The following NFATC4 variants were observed in gnomAD, a reference collection of about 807,000 sequenced individuals.
NFATC4 encodes the protein nuclear factor of activated T-cells, cytoplasmic 4.
NFATC4 carries 25 observed loss-of-function variants against 73.4 expected under a neutral mutation model. The ratio of observed to expected loss-of-function variants is 0.34; its 90% CI spans 0.25 to 0.48. NFATC4 has a LOEUF of 0.48. NFATC4 is among the 20% of genes least tolerant of loss of function. NFATC4 has a pLI of 0.99. For synonymous variants in NFATC4, 523 were observed against 510.3 expected (o/e 1.02, Z -0.34); for missense variants, 1,130 against 1,203.7 (o/e 0.94, Z 0.91).
Position 24,368,940 on chromosome 14 carries a change from G to T in NFATC4, c.100+500G>T, listed in dbSNP as rs1026047264. The T allele has an allele frequency of 3.9e-5, 27 of 694,740 alleles. No homozygotes were observed. The South Asian group carries it at 1.2e-3, about 31-fold the overall frequency. The allele number at this position is 694,740 out of a possible 1,614,324, so 43.0% of individuals were successfully genotyped here. ...GCGGCCGCCGCTCGCACGAATCCGC[G>T]CTGCCCGCTGCCCCCCTTCCCCCGG... On this transcript the variant is annotated intron_variant, in intron 1 of 9. Transcript: ENST00000250373.
intron 1 of NFATC4, chr14:24,368,985 C>A (rs2042386472): frequency 8.4e-7 from 1 of 1,192,888 alleles, no homozygotes; most frequent in Non-Finnish European, 1.1e-6. Flanking sequence ...GCACGCATCA[C>A]CCCCTCGGCT....
rs750647809 is a variant in NFATC4, at chr14:24,372,577, G to A, written c.1333G>A (p.Ala445Thr). The change falls in exon 3 of 10, where the codon GCC (alanine) becomes ACC (threonine). Residue 445 changes from alanine (A) to threonine (T), a missense_variant. Ala to Thr is a moderately conservative substitution (Grantham distance 58). Around this residue, in one of 3 missense-constraint regions of NFATC4, gnomAD observed 155 missense variants for 221.2 expected, o/e 0.70. Coordinates refer to ENST00000250373, the MANE Select transcript of NFATC4 (RefSeq NM_004554.5). ...AGGCAGCCGTGGAGCTGTCAAAGCTGCCCCTGGCGGTCACCCCGTAGTCAA... is the reference window on the plus strand; with the variant it reads ...AGGCAGCCGTGGAGCTGTCAAAGCTACCCCTGGCGGTCACCCCGTAGTCAA... ...TEGSRGAVKA[A>T]PGGHPVVKLL... 3 of 1,613,966 alleles carry A rather than the reference G, an allele frequency of 1.9e-6. No homozygotes were observed. The highest frequency in any genetic ancestry group is 2.7e-5 in the African/African-American group (2 of 74,928).
chr14:24,370,137 T>C lies in NFATC4; in HGVS notation c.739T>C (p.Trp247Arg). Residue 247 changes from tryptophan (W) to arginine (R), a missense_variant, in exon 2 of 10, where the codon TGG becomes CGG. Coordinates refer to ENST00000250373, the MANE Select transcript of NFATC4 (RefSeq NM_004554.5). Reference sequence around the variant, plus strand: ...CGGAGGCCGAGGGCCAGAGGATAGCTGGCTACTCCTCAGTGCTCCTGGGCC... The same window carrying C: ...CGGAGGCCGAGGGCCAGAGGATAGCCGGCTACTCCTCAGTGCTCCTGGGCC... Reference protein sequence around the residue: ...SPGGRGPEDSWLLLSAPGPTP... With the variant: ...SPGGRGPEDSRLLLSAPGPTP... 2 of 1,603,760 alleles carry C rather than the reference T, an allele frequency of 1.2e-6. No individual in the cohort carries two copies. Among genetic ancestry groups the C allele is most frequent in the East Asian group, 2.2e-5 (1 of 44,858 alleles).
chr14:24,370,349 T>A lies in NFATC4; in HGVS notation c.951T>A (p.Tyr317Ter). 1 of 1,613,696 alleles carries A rather than the reference T, an allele frequency of 6.2e-7. No individual in the cohort carries two copies. Among genetic ancestry groups the A allele is most frequent in the Non-Finnish European group, 8.5e-7 (1 of 1,179,904 alleles). ...CGGGCTCCCCTGGTCCCTTTGACTA[T>A]GTGGGGGCCCCACCAGCTGAGAGCA... ...RDPGSPGPFD[Y>*]VGAPPAESIP... Residue 317 changes from tyrosine to a stop codon, truncating the protein, a stop_gained, in exon 2 of 10, where the codon TAT (tyrosine) becomes TAA (stop). Transcript: ENST00000250373. LOFTEE classifies it high-confidence loss of function.
chr14:24,372,368 C>A (rs774447506), intron 2 of NFATC4, 73 bp from the exon 3 acceptor site: 1 of 1,494,334 alleles, frequency 6.7e-7, no homozygotes, highest in Non-Finnish European at 9.1e-7. Context: ...ACCCCCTCCT[C>A]CCTCACAGAT....
rs373337764 is a variant in NFATC4, at chr14:24,372,584, G to A, written c.1340G>A (p.Gly447Asp). The A allele has an allele frequency of 2.7e-5, 43 of 1,613,920 alleles. No homozygotes were observed. The highest frequency in any genetic ancestry group is 3.5e-5 in the Non-Finnish European group (41 of 1,180,048). Reference protein sequence around the residue: ...GSRGAVKAAPGGHPVVKLLGY... With the variant: ...GSRGAVKAAPDGHPVVKLLGY... ...CGTGGAGCTGTCAAAGCTGCCCCTG[G>A]CGGTCACCCCGTAGTCAAGGTAAAG... The change falls in exon 3 of 10, where the codon GGC becomes GAC. Residue 447 changes from glycine (G) to aspartate (D), a missense_variant. This residue lies in a region of NFATC4 where 155 missense variants were observed against 221.2 expected (regional missense o/e 0.70). Coordinates refer to ENST00000250373, the MANE Select transcript of NFATC4 (RefSeq NM_004554.5).
chr14:24,376,200 A>G lies in NFATC4; in HGVS notation c.2057-94A>G, dbSNP rs766308806. ...CTCATCATGAGGGGCCAAGGGGTGA[A>G]TGGAACCTGGGAGGAGCAGGCAGCT... On this transcript the variant is annotated intron_variant, in intron 8 of 9. Transcript: ENST00000250373. The surrounding 1 kb of genome is among the most constrained non-coding windows in gnomAD (Gnocchi z 5.0). 161 of 1,585,678 alleles carry G rather than the reference A, an allele frequency of 1.0e-4. No individual in the cohort carries two copies. Among genetic ancestry groups the G allele is most frequent in the Middle Eastern group, 1.7e-4 (1 of 5,912 alleles).
chr14:24,367,893 G>A, upstream of NFATC4: 1 of 1,332,418 alleles, frequency 7.5e-7, no homozygotes, highest in Non-Finnish European at 9.6e-7. Context: ...ACTGAGACTA[G>A]GGGAGGTGGG....
At chr14:24,375,877 A>G in intron 7 of NFATC4, 98 bp from the exon 8 acceptor site, 3 of 1,577,068 alleles carry the variant, frequency 1.9e-6, no homozygotes, top group Non-Finnish European at 2.6e-6. Flanking sequence ...GCATCTTAGA[A>G]AATGGAGAAG....
upstream of NFATC4, chr14:24,367,335 G>A (rs1350348774): frequency 1.3e-6 from 2 of 1,538,528 alleles, no homozygotes; most frequent in South Asian, 1.2e-5. Context: ...AGAAGAGCCG[G>A]AGTGGGATGC....
intron 5 of NFATC4, 78 bp from the exon 6 acceptor site, chr14:24,374,248 C>G (rs1480292120): frequency 1.3e-6 from 2 of 1,525,476 alleles, no homozygotes; most frequent in East Asian, 4.6e-5. Flanking sequence ...TGGCAGTTTT[C>G]CCAAAGAGGG....
chr14:24,370,872 G>A (rs1012956946), intron 2 of NFATC4, among the ~76,000 whole-genome samples: 9 of 152,176 alleles, frequency 5.9e-5, no homozygotes, highest in Admixed American at 4.6e-4. Context: ...GATCAACTAG[G>A]TTAAGGAGGT....
rs376056202 is a variant in NFATC4 at position 24,373,956 on chromosome 14, G to A, written c.1732+89G>A. ...TCTGTCTGCCCATTCCCTCTGCAGCGTCCTGTGCCCTGTCTGTCCTGGGTA... is the reference window on the plus strand; with the variant it reads ...TCTGTCTGCCCATTCCCTCTGCAGCATCCTGTGCCCTGTCTGTCCTGGGTA... On this transcript the variant is annotated intron_variant, in intron 5 of 9. Transcript: ENST00000250373. This position sits in a 1 kb window ranked among gnomAD's most constrained non-coding sequence, Gnocchi z 4.7. 1.2e-4 allele frequency: 191 copies of A among 1,544,574 alleles called. No individual in the cohort carries two copies. In the African/African-American group the frequency reaches 2.1e-3, roughly 17 times the overall value.
chr14:24,376,126 G>C lies in NFATC4; in HGVS notation c.2056+25G>C. The C allele has an allele frequency of 6.2e-7, 1 of 1,613,778 alleles. No homozygotes were observed. Among genetic ancestry groups the C allele is most frequent in the Non-Finnish European group, 8.5e-7 (1 of 1,179,816 alleles). ...GGTGCGCTCTGGGACAGCCCATGGT[G>C]GGGGTATAGGGATATGGGGAGCTGG... On this transcript the variant is annotated intron_variant, in intron 8 of 9. Coordinates refer to ENST00000250373, the MANE Select transcript of NFATC4 (RefSeq NM_004554.5). The surrounding 1 kb of genome is among the most constrained non-coding windows in gnomAD (Gnocchi z 5.0).
In NFATC4 at chr14:24,377,968, G is replaced by C. The variant is rs908626422; in HGVS notation, c.*263G>C. On this transcript the variant is annotated 3_prime_UTR_variant, in exon 10 of 10. Transcript: ENST00000250373. This position sits in a 1 kb window ranked among gnomAD's most constrained non-coding sequence, Gnocchi z 4.2. Reference sequence around the variant, plus strand: ...CTGAGGCTAGGTGCCAGAATGGACTGGAGTGAAGGCGTGTCTAGAGTGTGG... The same window carrying C: ...CTGAGGCTAGGTGCCAGAATGGACTCGAGTGAAGGCGTGTCTAGAGTGTGG... 6.2e-6 allele frequency: 4 copies of C among 643,644 alleles called. No individual in the cohort carries two copies. The highest frequency in any genetic ancestry group is 1.0e-5 in the Non-Finnish European group (4 of 386,736). The allele number at this position is 643,644 out of a possible 1,614,324, so 39.9% of individuals were successfully genotyped here. A position where few individuals can be genotyped will look rare whatever the true frequency, so the allele number is the denominator to read the frequency against.
upstream of NFATC4, chr14:24,367,282 G>T: frequency 6.3e-7 from 1 of 1,582,136 alleles, no homozygotes; most frequent in Non-Finnish European, 8.6e-7. Context: ...AACCCACAGG[G>T]TCCGGAGGTT....
rs2042646189 is a variant in NFATC4 at position 24,377,152 on chromosome 14, T to G, written c.2641+274T>G. 3.1e-6 allele frequency: 4 copies of G among 1,295,108 alleles called. No individual in the cohort carries two copies. The highest frequency in any genetic ancestry group is 1.5e-5 in the African/African-American group (1 of 66,242). The allele number at this position is 1,295,108 out of a possible 1,614,324, so 80.2% of individuals were successfully genotyped here. A position where few individuals can be genotyped will look rare whatever the true frequency, so the allele number is the denominator to read the frequency against. ...CATAAAATCTCAGAGCTAGAAGCAC[T>G]TTCAAGATCATTCCATCCAGCGCAT... On this transcript the variant is annotated intron_variant, in intron 9 of 9. Transcript: ENST00000250373. The surrounding 1 kb of genome is among the most constrained non-coding windows in gnomAD (Gnocchi z 4.2).
At chr14:24,367,117 G>C (rs371394403), upstream of NFATC4, 6 of 1,613,656 alleles carry the variant, frequency 3.7e-6, no homozygotes, top group Non-Finnish European at 5.1e-6. Context: ...ACCGAGTCAC[G>C]AATCTCCCAT....
Position 24,368,226 on chromosome 14 carries a change from G to A in NFATC4, c.-115G>A. 7.6e-7 allele frequency: 1 copy of A among 1,316,984 alleles called. No homozygotes were observed. The highest frequency in any genetic ancestry group is 9.7e-7 in the Non-Finnish European group (1 of 1,030,154). The allele number at this position is 1,316,984 out of a possible 1,614,324, so 81.6% of individuals were successfully genotyped here. A position where few individuals can be genotyped will look rare whatever the true frequency, so the allele number is the denominator to read the frequency against. On this transcript the variant is annotated 5_prime_UTR_variant, in exon 1 of 10. Coordinates refer to ENST00000250373, the MANE Select transcript of NFATC4 (RefSeq NM_004554.5). ...CTTCTGGAGGGAGGCGGCAGCGACG[G>A]AGGAGGGGGCTTCTCAGAGAAAGGG...
Sources: allele counts gnomAD v4.1 joint callset (sites outside exome capture counted in the v4.1 genomes callset), GRCh38; gene constraint gnomAD v4.1.1; regional missense constraint gnomAD v4.1.1; non-coding constraint Gnocchi (gnomAD v3.1); transcripts MANE v1.5; gene names NCBI Gene and HGNC (gene_info 2026-07-23, HGNC 2026-07-21).